TADA3: variants seen among roughly 807,000 people sequenced by gnomAD.
TADA3 encodes the protein transcriptional adapter 3.
In TADA3, 25 loss-of-function variants were observed where a neutral mutation model predicts 43.2. The observed-to-expected ratio is 0.58, with a 90% confidence interval of 0.42 to 0.81. TADA3 has a LOEUF of 0.81. TADA3 is among the 30% of genes least tolerant of loss of function. The pLI is 0.00. For synonymous variants in TADA3, 235 were observed against 225.5 expected, an observed-to-expected ratio of 1.04 and a Z score of -0.38; for missense variants, 441 against 567.8, an observed-to-expected ratio of 0.78 and a Z score of 2.27.
At chr3:9,784,818 T>C (rs1010700330) in intron 7 of TADA3, among the ~76,000 whole-genome samples, 2 of 150,340 alleles carry the variant, frequency 1.3e-5, no homozygotes, top group African/African-American at 4.9e-5. Context: ...GAGCCAAGAT[T>C]GCGCCATTGC....
chr3:9,786,727 C>T (rs537672896), intron 6 of TADA3, among the ~76,000 whole-genome samples: 1 of 152,258 alleles, frequency 6.6e-6, no homozygotes, highest in Admixed American at 6.5e-5. Context: ...ATGAGAGGGG[C>T]TTCTAGGATA....
In TADA3 at chr3:9,784,026, A is replaced by T. The variant is rs545090076; in HGVS notation, c.1106+2T>A. 6.2e-7 allele frequency: 1 copy of T among 1,612,748 alleles called. No homozygotes were observed. Among genetic ancestry groups the T allele is most frequent in the South Asian group, 1.1e-5 (1 of 91,022 alleles). On this transcript the variant is annotated splice_donor_variant, in intron 8 of 8. Transcript: ENST00000301964. LOFTEE classifies it high-confidence loss of function. ...GGGACTGTGCATCCTGCTAACGCTC[A>T]CCTCAGCAGGTCGTGCTTCTTGGTG... is the stretch of plus-strand genomic sequence containing the variant.
intron 4 of TADA3, 121 bp from the exon 5 acceptor site, chr3:9,787,461 G>A: frequency 1.5e-6 from 2 of 1,370,658 alleles, no homozygotes; most frequent in South Asian, 2.9e-5. Context: ...CAAGCCCAGT[G>A]TCAGGTGTAG....
chr3:9,787,669 C>A, intron 4 of TADA3: 1 of 1,366,618 alleles, frequency 7.3e-7, no homozygotes, highest in Non-Finnish European at 9.6e-7. Flanking sequence ...TCACGGGTGA[C>A]AGGGAATTAC....
intron 2 of TADA3, among the ~76,000 whole-genome samples, chr3:9,790,918 C>T (rs2078714233): frequency 6.6e-6 from 1 of 152,210 alleles, no homozygotes. Flanking sequence ...AACATCACAT[C>T]ACCTGGTATG....
chr3:9,787,791 A>C (rs1390134273), intron 4 of TADA3: 1 of 1,095,084 alleles, frequency 9.1e-7, no homozygotes, highest in African/African-American at 1.6e-5. Flanking sequence ...GTGGCAGCAC[A>C]AAGGAGAGAC....
Position 9,784,156 on chromosome 3 carries a change from G to A in TADA3, c.978C>T (p.Gly326=), listed in dbSNP as rs2078548440. 1 of 1,614,002 alleles carries A rather than the reference G, an allele frequency of 6.2e-7. No individual in the cohort carries two copies. Among genetic ancestry groups the A allele is most frequent in the Admixed American group, 1.7e-5 (1 of 60,002 alleles). The stretch of plus-strand genomic sequence containing the variant: ...CGGGGCGGTCCTCAGACTCCAAAAG[G>A]CCCTGGGCAATTAGCTCCTCCTTGA... ...SRIKEELIAQ[G]LLESEDRPAE... The change falls in exon 8 of 9, where the codon GGC becomes GGT. Residue 326 remains glycine (G), a synonymous_variant. Transcript: ENST00000301964.
chr3:9,780,452 G>A lies in TADA3; in HGVS notation c.1204C>T (p.Arg402Trp), dbSNP rs770394657. Residue 402 changes from arginine (R) to tryptophan (W), a missense_variant, in exon 9 of 9, where the codon CGG (arginine) becomes TGG (tryptophan). Coordinates refer to ENST00000301964, the MANE Select transcript of TADA3 (RefSeq NM_006354.5). ...TTGGTGGGAGTCCGCTTCTTCTGCC[G>A]GGCAGCCATGATCTTGCGAAAGGCG... ...MDAFRKIMAARQKKRTPTKKE... is the reference protein window; with the variant it reads ...MDAFRKIMAAWQKKRTPTKKE... 3 of 1,611,800 alleles carry A rather than the reference G, an allele frequency of 1.9e-6. No individual in the cohort carries two copies. Among genetic ancestry groups the A allele is most frequent in the Non-Finnish European group, 2.5e-6 (3 of 1,179,758 alleles).
Position 9,791,294 on chromosome 3 carries a change from C to T in TADA3, c.173G>A (p.Ser58Asn). The T allele has an allele frequency of 2.5e-6, 4 of 1,613,608 alleles. No individual in the cohort carries two copies. The highest frequency in any genetic ancestry group is 3.4e-6 in the Non-Finnish European group (4 of 1,180,016). The part of the protein sequence containing the change: ...LELETLLSSA[S>N]RRLRVLEAET... ...GGCCTCAAGCACACGCAGGCGCCGG[C>T]TGGCAGAAGACAGCAGGGTCTCCAG... Residue 58 changes from serine (S) to asparagine (N), a missense_variant, in exon 2 of 9, where the codon AGC becomes AAC. By Grantham distance (46) the Ser-to-Asn change is conservative. Transcript: ENST00000301964.
At chr3:9,790,191 T>C (rs1315155450) in intron 2 of TADA3, among the ~76,000 whole-genome samples, 2 of 152,340 alleles carry the variant, frequency 1.3e-5, no homozygotes, top group Admixed American at 6.5e-5. Context: ...CACTTGTTCA[T>C]CTATACTGAT....
chr3:9,782,662 A>C (rs961492197), intron 8 of TADA3, among the ~76,000 whole-genome samples: 1 of 152,152 alleles, frequency 6.6e-6, no homozygotes, highest in East Asian at 1.9e-4. Context: ...ATGGTAGTGC[A>C]TGCCTGTAAT....
intron 8 of TADA3, among the ~76,000 whole-genome samples, chr3:9,782,321 C>G (rs293783): frequency 0.85 from 129,751 of 152,242 alleles, 55,492 homozygotes; most frequent in Non-Finnish European, 0.89. Flanking sequence ...TGTTTATTGA[C>G]TGTGTGACCT....
chr3:9,785,280 G>C, intron 7 of TADA3, 36 bp downstream of exon 7: 1 of 1,531,518 alleles, frequency 6.5e-7, no homozygotes, highest in Non-Finnish European at 9.0e-7. Flanking sequence ...CAGAAGCGGG[G>C]GCCAGACTGT....
rs1263557382 is a variant in TADA3, at chr3:9,784,324, C to T, written c.921-111G>A. 1.2e-5 allele frequency: 16 copies of T among 1,389,914 alleles called. No individual in the cohort carries two copies. In the South Asian group the frequency reaches 2.3e-4, roughly 20 times the overall value. 86.1% of individuals were successfully genotyped at this position (1,389,914 alleles called of 1,614,324 possible). ...GTGAAAACCTGCCTTTCCCTTTGGG[C>T]ACCCCCTCTGTATCTATCCAGATAC... On this transcript the variant is annotated intron_variant, in intron 7 of 8. Coordinates refer to ENST00000301964, the MANE Select transcript of TADA3 (RefSeq NM_006354.5).
intron 1 of TADA3, among the ~76,000 whole-genome samples, chr3:9,791,915 T>A (rs921975828): frequency 6.6e-6 from 1 of 152,190 alleles, no homozygotes; most frequent in East Asian, 1.9e-4. Context: ...TGCTAAGACT[T>A]TGAGTTCCAA....
At chr3:9,782,722 C>T (rs2078506418) in intron 8 of TADA3, among the ~76,000 whole-genome samples, 1 of 146,232 alleles carries the variant, frequency 6.8e-6, no homozygotes, top group Admixed American at 7.1e-5. Context: ...ACCCGGGAGG[C>T]GGAGGTTGCA....
rs777162351 is a variant in TADA3 at position 9,787,254 on chromosome 3, A to G, written c.651T>C (p.Ala217=). ...TGAGGCCTTTCTTCTTGTCAGCCAC[A>G]GCCGCTGCCCGGGCCCCATCCTTCT... ...EEQKDGARAA[A]VADKKKGLMG... is the part of the protein sequence containing the mutation. The change falls in exon 5 of 9, where the codon GCT becomes GCC. Residue 217 remains alanine (A), a synonymous_variant. Transcript: ENST00000301964. 5.6e-6 allele frequency: 9 copies of G among 1,614,218 alleles called. No individual in the cohort carries two copies. The highest frequency in any genetic ancestry group is 7.6e-6 in the Non-Finnish European group (9 of 1,180,020).
chr3:9,790,728 CA>C (rs1460733290), intron 2 of TADA3, among the ~76,000 whole-genome samples: 1 of 152,206 alleles, frequency 6.6e-6, no homozygotes, highest in Non-Finnish European at 1.5e-5. Context: ...TTAATCCTCA[CA>C]AAAGCACTAA....
At chr3:9,789,022 G>C (rs1414058239) in intron 4 of TADA3, among the ~76,000 whole-genome samples, 1 of 152,050 alleles carries the variant, frequency 6.6e-6, no homozygotes, top group African/African-American at 2.4e-5. Context: ...TTTTGGTAGA[G>C]ATGGGGTTTC....
Sources: gnomAD v4.1 joint callset for allele counts (sites outside exome capture counted in the v4.1 genomes callset) on GRCh38, gnomAD v4.1.1 for gene constraint, MANE v1.5 for transcripts, NCBI Gene and HGNC (gene_info 2026-07-23, HGNC 2026-07-21) for gene names.